SYT1: variants seen among roughly 807,000 people sequenced by gnomAD.
The protein encoded by SYT1 is synaptotagmin 1.
A neutral mutation model predicts 44.8 loss-of-function variants in SYT1; 8 were observed. That is an observed-to-expected ratio of 0.18 (90% CI 0.10 to 0.32). The LOEUF (loss-of-function observed/expected upper bound fraction) is 0.32, where lower values mean the gene tolerates loss of function less well. Among genes scored for constraint, SYT1 ranks in the 10% least tolerant of loss-of-function variants. The pLI, the probability that SYT1 is intolerant of heterozygous loss-of-function variation, is 1.00. For synonymous variants in SYT1, 154 were observed against 188.8 expected, an observed-to-expected ratio of 0.82 and a Z score of 1.51; for missense variants, 286 against 509.3, an observed-to-expected ratio of 0.56 and a Z score of 4.22.
chr12:78,948,952 C>CATATT (rs1178574404), intron 1 of SYT1, among the ~76,000 whole-genome samples: 7 of 121,508 alleles, frequency 5.8e-5, no homozygotes, highest in East Asian at 4.5e-4. Flanking sequence ...AAAATCAAGG[C>CATATT]CTATTATATT....
intron 2 of SYT1, among the ~76,000 whole-genome samples, chr12:79,025,060 T>A (rs1185004658): frequency 1.3e-5 from 2 of 151,856 alleles, no homozygotes; most frequent in Non-Finnish European, 1.5e-5. Flanking sequence ...AGCTTACAGA[T>A]GTATACATTA....
At chr12:79,440,516 A>G (rs1870351773) in intron 9 of SYT1, among the ~76,000 whole-genome samples, 1 of 152,288 alleles carries the variant, frequency 6.6e-6, no homozygotes, top group Admixed American at 6.5e-5. Flanking sequence ...TGCTATTTAC[A>G]TGTTTCAGAA....
At chr12:78,870,149 T>G (rs1425180635) in intron 1 of SYT1, among the ~76,000 whole-genome samples, 1 of 152,066 alleles carries the variant, frequency 6.6e-6, no homozygotes, top group East Asian at 1.9e-4. Flanking sequence ...TAAGATATTA[T>G]TTCCAAGAGT....
intron 3 of SYT1, among the ~76,000 whole-genome samples, chr12:79,180,476 C>T (rs1592828712): frequency 1.2e-5 from 1 of 80,226 alleles, no homozygotes; most frequent in African/African-American, 5.6e-5. Context: ...AATTTATTTT[C>T]TTTTTTTTTT....
At chr12:79,292,761 G>A (rs1025686933) in intron 6 of SYT1, among the ~76,000 whole-genome samples, 2 of 152,018 alleles carry the variant, frequency 1.3e-5, no homozygotes, top group African/African-American at 4.8e-5. Flanking sequence ...TAACAAAACG[G>A]ACATTTTTGC....
chr12:79,002,426 T>C (rs1299272590), intron 2 of SYT1, among the ~76,000 whole-genome samples: 3 of 152,106 alleles, frequency 2.0e-5, no homozygotes, highest in Non-Finnish European at 4.4e-5. Context: ...CATGAAATAT[T>C]CCTTGTTTGG....
At chr12:78,980,932 G>T (rs1196146639) in intron 2 of SYT1, among the ~76,000 whole-genome samples, 2 of 152,010 alleles carry the variant, frequency 1.3e-5, no homozygotes, top group African/African-American at 4.8e-5. Flanking sequence ...AGAGGGAGAT[G>T]GAGGGGAGAG....
intron 8 of SYT1, among the ~76,000 whole-genome samples, chr12:79,341,040 G>A (rs1455519380): frequency 6.6e-6 from 1 of 152,052 alleles, no homozygotes; most frequent in Non-Finnish European, 1.5e-5. Flanking sequence ...AAGCTTCTTA[G>A]GGCAAAGACA....
chr12:79,389,848 T>C (rs1416866890), intron 9 of SYT1, among the ~76,000 whole-genome samples: 1 of 152,230 alleles, frequency 6.6e-6, no homozygotes, highest in Non-Finnish European at 1.5e-5. Flanking sequence ...TTGTCTTTAA[T>C]GTGTTTCACT....
chr12:79,348,989 AAGAG>A (rs1397162514), intron 8 of SYT1, among the ~76,000 whole-genome samples: 4 of 116,624 alleles, frequency 3.4e-5, no homozygotes, highest in Non-Finnish European at 7.1e-5. Context: ...GGAAGAAAGA[AAGAG>A]AGAAGGAAAG....
intron 3 of SYT1, among the ~76,000 whole-genome samples, chr12:79,134,099 G>C (rs1869028713): frequency 6.6e-6 from 1 of 152,088 alleles, no homozygotes; most frequent in Non-Finnish European, 1.5e-5. Flanking sequence ...CTCATACACT[G>C]TTTTTCTTGT....
intron 9 of SYT1, among the ~76,000 whole-genome samples, chr12:79,359,087 CTG>C (rs1883222431): frequency 6.6e-6 from 1 of 152,144 alleles, no homozygotes; most frequent in African/African-American, 2.4e-5. Flanking sequence ...AGACTTTTTT[CTG>C]TGTTTGTACT....
At chr12:79,395,711 C>A (rs1884841384) in intron 9 of SYT1, among the ~76,000 whole-genome samples, 1 of 152,080 alleles carries the variant, frequency 6.6e-6, no homozygotes, top group African/African-American at 2.4e-5. Flanking sequence ...TAGTAGTCTA[C>A]TTGATTCATA....
chr12:79,224,747 A>ATTT (rs367969269), intron 4 of SYT1, among the ~76,000 whole-genome samples: 5 of 13,902 alleles, frequency 3.6e-4, no homozygotes, highest in South Asian at 1.8e-3. Context: ...TTATTTATTT[A>ATTT]TTTTTTATTA....
At chr12:79,165,882 T>C (rs1355415161) in intron 3 of SYT1, among the ~76,000 whole-genome samples, 1 of 152,046 alleles carries the variant, frequency 6.6e-6, no homozygotes, top group Non-Finnish European at 1.5e-5. Flanking sequence ...CTAGGAAACT[T>C]AAATTTCATT....
intron 9 of SYT1, among the ~76,000 whole-genome samples, chr12:79,391,204 A>T (rs1593026250): frequency 6.6e-6 from 1 of 152,188 alleles, no homozygotes; most frequent in African/African-American, 2.4e-5. Context: ...GGCATTTGTT[A>T]AAAATGCTGG....
At chr12:78,983,501 A>G (rs1869419949) in intron 2 of SYT1, among the ~76,000 whole-genome samples, 1 of 152,106 alleles carries the variant, frequency 6.6e-6, no homozygotes, top group African/African-American at 2.4e-5. Context: ...TATTCCAATT[A>G]TCCTAACAAC....
At chr12:79,158,146 A>T (rs752169702) in intron 3 of SYT1, among the ~76,000 whole-genome samples, 8 of 152,146 alleles carry the variant, frequency 5.3e-5, no homozygotes, top group Non-Finnish European at 1.0e-4. Flanking sequence ...ATATGTTACA[A>T]GTAACTACAT....
At chr12:79,029,482 C>T (rs1872715350) in intron 2 of SYT1, among the ~76,000 whole-genome samples, 1 of 150,988 alleles carries the variant, frequency 6.6e-6, no homozygotes, top group African/African-American at 2.4e-5. Context: ...AAACGTGAAG[C>T]CAAACATACA....
Sources: allele counts gnomAD v4.1 joint callset (sites outside exome capture counted in the v4.1 genomes callset), GRCh38; gene constraint gnomAD v4.1.1; transcripts MANE v1.5; gene names NCBI Gene and HGNC (gene_info 2026-07-23, HGNC 2026-07-21).